Variants in ADD3 observed in about 807,000 individuals in gnomAD.
ADD3 encodes the protein adducin 3.
ADD3 carries 25 observed loss-of-function variants against 80.2 expected under a neutral mutation model. That is an observed-to-expected ratio of 0.31 (90% CI 0.23 to 0.44). The LOEUF is 0.44. Ranked by LOEUF, ADD3 falls within the 20% of genes least tolerant of loss-of-function variation. The probability of loss-of-function intolerance (pLI) is 1.00; values close to 1 mark genes in which losing one functional copy is unlikely to be tolerated. For synonymous variants in ADD3, 284 were observed against 289.6 expected (o/e 0.98, Z 0.20); for missense variants, 829 against 847.5 (o/e 0.98, Z 0.27).
intron 2 of ADD3, among the ~76,000 whole-genome samples, chr10:110,106,744 A>G (rs368379232): frequency 6.6e-6 from 1 of 152,104 alleles, no homozygotes; most frequent in East Asian, 1.9e-4. Flanking sequence ...TTTTGGACCT[A>G]TGTTTGAAGA....
At chr10:110,067,214 G>T (rs1230319861) in intron 1 of ADD3, among the ~76,000 whole-genome samples, 1 of 152,156 alleles carries the variant, frequency 6.6e-6, no homozygotes, top group African/African-American at 2.4e-5. Context: ...TCATTTCCTA[G>T]AGTGTAGTAA....
intron 1 of ADD3, among the ~76,000 whole-genome samples, chr10:110,073,717 A>C (rs912785197): frequency 6.6e-6 from 1 of 151,810 alleles, no homozygotes; most frequent in Non-Finnish European, 1.5e-5. Flanking sequence ...GTTCATCCTT[A>C]GTTGTTTTGT....
chr10:110,046,722 T>C (rs1856951692), intron 1 of ADD3, among the ~76,000 whole-genome samples: 1 of 152,132 alleles, frequency 6.6e-6, no homozygotes. Context: ...CTCACTAAGG[T>C]AGTGGTGAGT....
chr10:110,010,295 G>C (rs1307653832), intron 1 of ADD3, among the ~76,000 whole-genome samples: 1 of 152,208 alleles, frequency 6.6e-6, no homozygotes, highest in Non-Finnish European at 1.5e-5. Context: ...CAGGTGGTTA[G>C]CTGGTTAATC....
rs1217733559 is a variant in ADD3 at position 110,065,539 on chromosome 10, C to CTTTT, written c.-29-35071_-29-35068dup. ...TTTTTTCTTAGCCTCTCTCTCTCCC[C>CTTTT]TTTTTTTTTTTTTTTTTTGAGAAAG... On this transcript the variant is annotated intron_variant, in intron 1 of 14. Transcript: ENST00000356080. Among the ~76,000 whole-genome samples, 68 of 31,186 alleles carry CTTTT rather than the reference C, an allele frequency of 2.2e-3. 21 individuals are homozygous for CTTTT. Among genetic ancestry groups the CTTTT allele is most frequent in the Admixed American group, 5.9e-3 (10 of 1,686 alleles). The allele number at this position is 31,186 out of a possible 152,430, so 20.5% of individuals were successfully genotyped here. A position where few individuals can be genotyped will look rare whatever the true frequency, so the allele number is the denominator to read the frequency against.
At chr10:110,064,283 G>A (rs1032153683) in intron 1 of ADD3, among the ~76,000 whole-genome samples, 2 of 152,160 alleles carry the variant, frequency 1.3e-5, no homozygotes, top group African/African-American at 4.8e-5. Flanking sequence ...CTGGCTTACA[G>A]GGCATGTGTG....
In ADD3 at chr10:110,122,792, A is replaced by AT. The variant is rs879838347; in HGVS notation, c.1143+513dup. On this transcript the variant is annotated intron_variant, in intron 9 of 14. Transcript: ENST00000356080. ...GTGTGCCACCGTGCCTGGCTAATTT[A>AT]TTTTTTTTTTTTTACTTTTTGTAGA... 1.0e-3 allele frequency among the ~76,000 whole-genome samples: 144 copies of AT among 140,970 alleles called. 2 individuals carry two copies. Among genetic ancestry groups the AT allele is most frequent in the South Asian group, 2.5e-3 (11 of 4,396 alleles). The allele number at this position is 140,970 out of a possible 152,430, so 92.5% of individuals were successfully genotyped here.
intron 1 of ADD3, among the ~76,000 whole-genome samples, chr10:110,019,955 A>G (rs1564846570): frequency 6.6e-6 from 1 of 152,250 alleles, no homozygotes; most frequent in East Asian, 1.9e-4. Context: ...TTCGGAAGCT[A>G]GAGCCTTTGG....
intron 1 of ADD3, among the ~76,000 whole-genome samples, chr10:110,089,658 T>G (rs1455583144): frequency 6.6e-6 from 1 of 151,968 alleles, no homozygotes; most frequent in East Asian, 1.9e-4. Context: ...TGTGGTTGAT[T>G]GTTTTACTCA....
intron 1 of ADD3, among the ~76,000 whole-genome samples, chr10:110,011,084 CT>C (rs35981424): frequency 3.8e-3 from 536 of 142,142 alleles, no homozygotes; most frequent in Middle Eastern, 7.1e-3. Flanking sequence ...ATACTAAAGT[CT>C]TTTTTTTTTT....
At chr10:110,020,560 C>T (rs945695414) in intron 1 of ADD3, among the ~76,000 whole-genome samples, 1 of 152,094 alleles carries the variant, frequency 6.6e-6, no homozygotes, top group Non-Finnish European at 1.5e-5. Context: ...TGAAGCAGAA[C>T]GTGGTGGGGA....
upstream of ADD3, among the ~76,000 whole-genome samples, chr10:110,004,012 C>T (rs2132865531): frequency 6.6e-6 from 1 of 152,244 alleles, no homozygotes; most frequent in East Asian, 1.9e-4. Context: ...ATATAAGAGA[C>T]TGTGCTGAGC....
chr10:110,024,301 T>C (rs1183202226), intron 1 of ADD3, among the ~76,000 whole-genome samples: 1 of 152,232 alleles, frequency 6.6e-6, no homozygotes, highest in Non-Finnish European at 1.5e-5. Context: ...CTTAATAACA[T>C]ATGGTGGTTT....
At chr10:110,036,608 A>G (rs7907387) in intron 1 of ADD3, among the ~76,000 whole-genome samples, 12,587 of 151,390 alleles carry the variant, frequency 0.083, 1,671 homozygotes, top group African/African-American at 0.29. Flanking sequence ...TACTGTCCTC[A>G]TGATCCGCCC....
At chr10:110,096,196 GCATT>G (rs1848128763) in intron 1 of ADD3, among the ~76,000 whole-genome samples, 1 of 152,152 alleles carries the variant, frequency 6.6e-6, no homozygotes, top group East Asian at 1.9e-4. Context: ...GGCTCTTTCA[GCATT>G]CTACCTAGAA....
At chr10:110,030,472 A>G (rs1446015176) in intron 1 of ADD3, among the ~76,000 whole-genome samples, 1 of 151,550 alleles carries the variant, frequency 6.6e-6, no homozygotes, top group Non-Finnish European at 1.5e-5. Context: ...GGTGTTTTAT[A>G]GTAATCTAAG....
chr10:110,041,405 G>A (rs1589837871), intron 1 of ADD3, among the ~76,000 whole-genome samples: 1 of 152,196 alleles, frequency 6.6e-6, no homozygotes, highest in Non-Finnish European at 1.5e-5. Flanking sequence ...GAAAATGCCA[G>A]TGTAGGGATC....
intron 1 of ADD3, among the ~76,000 whole-genome samples, chr10:110,077,416 A>C (rs140948910): frequency 1.4e-3 from 211 of 152,250 alleles, no homozygotes; most frequent in African/African-American, 4.9e-3. Flanking sequence ...TAGTTATTTA[A>C]CTTGAAAATG....
At chr10:110,070,567 C>T (rs926378240) in intron 1 of ADD3, among the ~76,000 whole-genome samples, 1 of 152,158 alleles carries the variant, frequency 6.6e-6, no homozygotes, top group African/African-American at 2.4e-5. Context: ...ATTCTGTAAA[C>T]TGAAATCCCT....
Sources: gnomAD v4.1 joint callset for allele counts (sites outside exome capture counted in the v4.1 genomes callset) on GRCh38, gnomAD v4.1.1 for gene constraint, MANE v1.5 for transcripts, NCBI Gene and HGNC (gene_info 2026-07-23, HGNC 2026-07-21) for gene names.